The following TRIM36 variants were observed in gnomAD, a reference collection of about 807,000 sequenced individuals.
The protein encoded by TRIM36 is tripartite motif containing 36, also known as E3 ubiquitin-protein ligase TRIM36.
In TRIM36, 42 loss-of-function variants were observed where a neutral mutation model predicts 72.4. The ratio of observed to expected loss-of-function variants is 0.58; its 90% CI spans 0.45 to 0.75. The LOEUF (loss-of-function observed/expected upper bound fraction) is 0.75, where lower values mean the gene tolerates loss of function less well. Ranked by LOEUF, TRIM36 falls within the 30% of genes least tolerant of loss-of-function variation. The pLI is 0.00. For missense variants in TRIM36, 913 were observed against 857.1 expected, an observed-to-expected ratio of 1.07 and a Z score of -0.81; for synonymous variants, 315 against 282.8, an observed-to-expected ratio of 1.11 and a Z score of -1.14.
intron 4 of TRIM36, 60 bp from the exon 5 acceptor site, chr5:115,141,434 G>T: frequency 1.6e-6 from 2 of 1,265,100 alleles, no homozygotes; most frequent in Non-Finnish European, 2.2e-6. Context: ...AGACTTTGCA[G>T]AATTTTTTTT....
At chr5:115,129,797 T>C (rs774453264) in intron 9 of TRIM36, among the ~76,000 whole-genome samples, 1 of 152,198 alleles carries the variant, frequency 6.6e-6, no homozygotes. Flanking sequence ...TTTTGAAACA[T>C]GTTCCCCATT....
intron 5 of TRIM36, among the ~76,000 whole-genome samples, chr5:115,139,367 C>A (rs893397625): frequency 6.7e-6 from 1 of 150,278 alleles, no homozygotes; most frequent in Non-Finnish European, 1.5e-5. Flanking sequence ...GTGATCCGCC[C>A]GCCTCGGCCT....
intron 1 of TRIM36, among the ~76,000 whole-genome samples, chr5:115,175,789 A>G (rs1755305565): frequency 6.6e-6 from 1 of 152,108 alleles, no homozygotes; most frequent in African/African-American, 2.4e-5. Context: ...CAGCACATAC[A>G]TTTCACCCAA....
intron 8 of TRIM36, among the ~76,000 whole-genome samples, chr5:115,132,407 T>C (rs1752739501): frequency 6.6e-6 from 1 of 151,620 alleles, no homozygotes. Context: ...CTGGTCTGCA[T>C]CTGTAATCCC....
upstream of TRIM36, chr5:115,171,309 CAG>C: frequency 6.4e-7 from 1 of 1,564,388 alleles, no homozygotes; most frequent in Non-Finnish European, 8.7e-7. Flanking sequence ...ATGAGGTGAA[CAG>C]AGGACGAAAG....
chr5:115,171,709 T>C (rs1235966673), upstream of TRIM36, among the ~76,000 whole-genome samples: 1 of 152,230 alleles, frequency 6.6e-6, no homozygotes, highest in African/African-American at 2.4e-5. Flanking sequence ...GCTATGGCCT[T>C]CCATTTTGCA....
In TRIM36 at chr5:115,133,949, C is replaced by G; in HGVS notation, c.1409G>C (p.Ser470Thr). ...AGCTCTTACTCTGAAAGCATAGGTA[C>G]TACTGTTTTCCAAGTCTTGAATTAT... ...SKIIQDLENS[S>T]TYAFRVRAYK... The change falls in exon 8 of 10, where the codon AGT becomes ACT. Residue 470 changes from serine (S) to threonine (T), a missense_variant. By Grantham distance (58) the Ser-to-Thr change is moderately conservative. Transcript: ENST00000513154. 6.2e-7 allele frequency: 1 copy of G among 1,613,846 alleles called. No homozygotes were observed. Among genetic ancestry groups the G allele is most frequent in the South Asian group, 1.1e-5 (1 of 91,032 alleles).
intron 2 of TRIM36, among the ~76,000 whole-genome samples, chr5:115,161,269 C>G (rs984958057): frequency 6.6e-6 from 1 of 152,036 alleles, no homozygotes; most frequent in Non-Finnish European, 1.5e-5. Context: ...TGGTAACCAG[C>G]AGGTGCTCAA....
chr5:115,171,027 T>C (rs369604741), upstream of TRIM36: 2 of 1,588,706 alleles, frequency 1.3e-6, no homozygotes, highest in Non-Finnish European at 8.6e-7. Flanking sequence ...TTCATTCCTA[T>C]GTATTAGGCT....
intron 8 of TRIM36, among the ~76,000 whole-genome samples, chr5:115,133,346 A>G (rs1365821068): frequency 6.6e-6 from 1 of 152,176 alleles, no homozygotes; most frequent in Middle Eastern, 3.2e-3. Flanking sequence ...AGGAGCTTTT[A>G]GCGTGGGAGG....
intron 2 of TRIM36, among the ~76,000 whole-genome samples, chr5:115,155,206 G>T (rs779543178): frequency 1.2e-3 from 185 of 151,626 alleles, no homozygotes; most frequent in Non-Finnish European, 1.1e-3. Flanking sequence ...TAATTAGCCA[G>T]GTGTGGTGGC....
At position 115,147,218 on chromosome 5, in the gene TRIM36, G is replaced by C. The variant is rs746186153; in HGVS notation, c.439C>G (p.Leu147Val). The change falls in exon 3 of 10, where the codon CTT (leucine) becomes GTT (valine). Residue 147 changes from leucine to valine, a missense_variant. By Grantham distance (32) the Leu-to-Val change is conservative (BLOSUM62 1). Coordinates refer to ENST00000513154, the MANE Select transcript of TRIM36 (RefSeq NM_001300759.2). ...GATTCTTGAGGTGGTGGTTTACAAA[G>C]GTCACACATAATGGCTGTGGCTGCC... ...ARAATAIMCDLCKPPPQESTK... is the reference protein window; with the variant it reads ...ARAATAIMCDVCKPPPQESTK... 5 of 1,614,026 alleles carry C rather than the reference G, an allele frequency of 3.1e-6. No individual in the cohort carries two copies. The highest frequency in any genetic ancestry group is 4.2e-6 in the Non-Finnish European group (5 of 1,180,044).
At chr5:115,157,978 C>A (rs369464619) in intron 2 of TRIM36, among the ~76,000 whole-genome samples, 4 of 151,982 alleles carry the variant, frequency 2.6e-5, no homozygotes, top group Non-Finnish European at 5.9e-5. Context: ...GGGTGGGAAG[C>A]GGGTGAGGGA....
chr5:115,138,958 G>A (rs1753123530), intron 5 of TRIM36, among the ~76,000 whole-genome samples: 1 of 151,786 alleles, frequency 6.6e-6, no homozygotes, highest in African/African-American at 2.4e-5. Context: ...TGGGACTACG[G>A]GCGCCCGCCA....
chr5:115,163,101 G>C (rs1193308830), intron 2 of TRIM36, among the ~76,000 whole-genome samples: 1 of 151,958 alleles, frequency 6.6e-6, no homozygotes, highest in Admixed American at 6.6e-5. Flanking sequence ...GGGGTTACAG[G>C]CACGCGTCAC....
At chr5:115,153,884 A>G (rs1168460132) in intron 2 of TRIM36, 1 of 152,342 alleles carries the variant, frequency 6.6e-6, no homozygotes, top group South Asian at 2.1e-4. Context: ...TATACATTCT[A>G]TTCAACAGCA....
rs1253933138 is a variant in TRIM36 at position 115,161,597 on chromosome 5, G to C, written c.262+1921C>G. Among the ~76,000 whole-genome samples, 3 of 152,302 alleles carry C rather than the reference G, an allele frequency of 2.0e-5. No individual in the cohort carries two copies. The East Asian group carries it at 5.8e-4, about 29-fold the overall frequency. On this transcript the variant is annotated intron_variant, in intron 2 of 9. Transcript: ENST00000513154. Reference sequence around the variant, plus strand: ...GATTTCACATGGAAACCACTATCAAGTTTTTGTGAAAAACCAATAAATCTG... The same window carrying C: ...GATTTCACATGGAAACCACTATCAACTTTTTGTGAAAAACCAATAAATCTG...
intron 3 of TRIM36, among the ~76,000 whole-genome samples, chr5:115,145,692 A>G (rs1169078427): frequency 6.6e-6 from 1 of 152,202 alleles, no homozygotes; most frequent in East Asian, 1.9e-4. Context: ...ATGCCCAGCT[A>G]ATTTTGTAAC....
At chr5:115,137,218 C>G in intron 6 of TRIM36, 94 bp from the exon 7 acceptor site, 1 of 1,474,716 alleles carries the variant, frequency 6.8e-7, no homozygotes, top group Non-Finnish European at 9.0e-7. Context: ...ACCCACACTT[C>G]ACTCAAAATT....
Sources: gnomAD v4.1 joint callset for allele counts (sites outside exome capture counted in the v4.1 genomes callset) on GRCh38, gnomAD v4.1.1 for gene constraint, MANE v1.5 for transcripts, NCBI Gene and HGNC (gene_info 2026-07-23, HGNC 2026-07-21) for gene names.